RANBP2: variants seen among roughly 807,000 people sequenced by gnomAD.
RANBP2 encodes RAN binding protein 2.
RANBP2 carries 57 observed loss-of-function variants against 303.6 expected under a neutral mutation model. That is an observed-to-expected ratio of 0.19 (90% CI 0.15 to 0.23). The LOEUF is 0.23. Ranked by LOEUF, RANBP2 falls within the 10% of genes least tolerant of loss-of-function variation. RANBP2 has a pLI of 1.00. For missense variants in RANBP2, 3,138 were observed against 3,780.8 expected, an observed-to-expected ratio of 0.83 and a Z score of 4.46; for synonymous variants, 1,167 against 1,301.5, an observed-to-expected ratio of 0.90 and a Z score of 2.23.
the RANBP2 span, among the ~76,000 whole-genome samples, chr2:109,204,625 C>A: frequency 3.3e-4 from 50 of 152,360 alleles, no homozygotes; most frequent in African/African-American, 1.2e-3. Flanking sequence ...TACTCCACCA[C>A]CAGGTGTGAC....
At chr2:109,697,256 G>A in the RANBP2 span, among the ~76,000 whole-genome samples, 4 of 152,174 alleles carry the variant, frequency 2.6e-5, no homozygotes, top group South Asian at 2.1e-4. Flanking sequence ...GTGGGAGGCC[G>A]AGGTGGGCAG....
chr2:109,179,950 G>C, the RANBP2 span, among the ~76,000 whole-genome samples: 1 of 78,514 alleles, frequency 1.3e-5, no homozygotes, highest in African/African-American at 4.4e-5. Flanking sequence ...GACAGAGGCT[G>C]GATCATTTGG....
At chr2:109,466,060 C>T in the RANBP2 span, among the ~76,000 whole-genome samples, 9 of 145,550 alleles carry the variant, frequency 6.2e-5, no homozygotes, top group East Asian at 1.7e-3. Flanking sequence ...TGCTTATCTG[C>T]TACCTGTACA....
At chr2:109,053,848 T>C in the RANBP2 span, among the ~76,000 whole-genome samples, 3 of 151,208 alleles carry the variant, frequency 2.0e-5, no homozygotes, top group Admixed American at 6.6e-5. Flanking sequence ...CCCCATCAAG[T>C]TCCCTTTCTG....
At chr2:109,015,405 T>C in the RANBP2 span, among the ~76,000 whole-genome samples, 1 of 152,152 alleles carries the variant, frequency 6.6e-6, no homozygotes, top group Non-Finnish European at 1.5e-5. Context: ...TAATTATATT[T>C]TCTCTCCCTT....
chr2:109,181,166 G>A, the RANBP2 span, among the ~76,000 whole-genome samples: 1 of 152,122 alleles, frequency 6.6e-6, no homozygotes, highest in Admixed American at 6.5e-5. Flanking sequence ...TTGGACTTCT[G>A]TGTCAGAGTT....
At chr2:109,633,489 A>G in the RANBP2 span, among the ~76,000 whole-genome samples, 1 of 152,190 alleles carries the variant, frequency 6.6e-6, no homozygotes, top group Admixed American at 6.5e-5. Context: ...GGGAACAGGC[A>G]GGAAATGATG....
At chr2:109,273,354 C>G in the RANBP2 span, among the ~76,000 whole-genome samples, 1 of 152,342 alleles carries the variant, frequency 6.6e-6, no homozygotes, top group East Asian at 1.9e-4. Flanking sequence ...TTGGTCATCC[C>G]AAGCTCCATT....
the RANBP2 span, among the ~76,000 whole-genome samples, chr2:108,828,089 A>G: frequency 6.6e-6 from 1 of 152,278 alleles, no homozygotes; most frequent in South Asian, 2.1e-4. Flanking sequence ...GAATTATTTC[A>G]TAAATGTATC....
At chr2:109,527,929 G>A in the RANBP2 span, among the ~76,000 whole-genome samples, 2 of 152,152 alleles carry the variant, frequency 1.3e-5, no homozygotes, top group East Asian at 3.9e-4. Flanking sequence ...GGAGAAGCCA[G>A]GCAAGGGCTG....
At chr2:108,881,811 T>C in the RANBP2 span, among the ~76,000 whole-genome samples, 1 of 152,278 alleles carries the variant, frequency 6.6e-6, no homozygotes, top group Non-Finnish European at 1.5e-5. Context: ...CTTACATGGG[T>C]GTGGTTCTTG....
the RANBP2 span, among the ~76,000 whole-genome samples, chr2:108,848,733 A>T: frequency 6.6e-6 from 1 of 152,210 alleles, no homozygotes; most frequent in East Asian, 1.9e-4. Flanking sequence ...AGCCAACTTT[A>T]AAACAATCCT....
At chr2:109,223,389 C>T in the RANBP2 span, among the ~76,000 whole-genome samples, 2 of 152,216 alleles carry the variant, frequency 1.3e-5, no homozygotes, top group Non-Finnish European at 1.5e-5. Flanking sequence ...CCACTAGGAG[C>T]TGCCGTGTGC....
the RANBP2 span, among the ~76,000 whole-genome samples, chr2:109,077,551 C>T: frequency 6.7e-6 from 1 of 150,034 alleles, no homozygotes; most frequent in Non-Finnish European, 1.5e-5. Context: ...AAATACAACC[C>T]ATATATCTGA....
chr2:108,907,203 G>GTT, the RANBP2 span, among the ~76,000 whole-genome samples: 5 of 152,226 alleles, frequency 3.3e-5, no homozygotes, highest in African/African-American at 1.2e-4. Flanking sequence ...GAAGAAAAAC[G>GTT]TTGTGTGTGT....
At chr2:109,411,363 C>T in the RANBP2 span, among the ~76,000 whole-genome samples, 16 of 152,360 alleles carry the variant, frequency 1.1e-4, no homozygotes, top group African/African-American at 3.6e-4. Flanking sequence ...TTAGCAGTGG[C>T]TGCTCATCTC....
chr2:109,728,032 A>G, the RANBP2 span, among the ~76,000 whole-genome samples: 1 of 152,162 alleles, frequency 6.6e-6, no homozygotes, highest in Non-Finnish European at 1.5e-5. Context: ...TCCAAGGCCA[A>G]GCCATGAACC....
the RANBP2 span, among the ~76,000 whole-genome samples, chr2:109,525,660 C>A: frequency 1.3e-5 from 2 of 152,220 alleles, no homozygotes; most frequent in Non-Finnish European, 1.5e-5. Flanking sequence ...ATCAGGGTAG[C>A]TCAGGACAAC....
At chr2:109,039,420 A>G in the RANBP2 span, among the ~76,000 whole-genome samples, 2 of 152,032 alleles carry the variant, frequency 1.3e-5, no homozygotes, top group African/African-American at 4.8e-5. Context: ...GCGCGATCTC[A>G]GTTCACTGCA....
Sources: gnomAD v4.1 joint callset for allele counts (sites outside exome capture counted in the v4.1 genomes callset) on GRCh38, gnomAD v4.1.1 for gene constraint, MANE v1.5 for transcripts, NCBI Gene and HGNC (gene_info 2026-07-23, HGNC 2026-07-21) for gene names.